Variants in ADGRD1 observed in about 807,000 individuals in gnomAD.
The protein encoded by ADGRD1 is adhesion G protein-coupled receptor D1, also known as G-protein coupled receptor 133.
A neutral mutation model predicts 113.4 loss-of-function variants in ADGRD1; 77 were observed. The observed-to-expected ratio is 0.68, with a 90% CI of 0.57 to 0.82. The LOEUF (loss-of-function observed/expected upper bound fraction) is 0.82. ADGRD1 is among the 40% of genes least tolerant of loss of function. The probability of loss-of-function intolerance (pLI) is 0.00; values close to 1 mark genes in which losing one functional copy is unlikely to be tolerated. For missense variants in ADGRD1, 1,036 were observed against 1,139.1 expected (o/e 0.91, Z 1.30); for synonymous variants, 474 against 475.0 (o/e 1.00, Z 0.03).
chr12:131,116,172 C>G (rs1950458796), intron 18 of ADGRD1, among the ~76,000 whole-genome samples: 1 of 152,192 alleles, frequency 6.6e-6, no homozygotes, highest in Non-Finnish European at 1.5e-5. Context: ...GTTCTCAGAC[C>G]CTTTGTCCTT....
intron 13 of ADGRD1, among the ~76,000 whole-genome samples, chr12:131,037,322 G>C (rs1347419474): frequency 2.9e-5 from 2 of 68,380 alleles, no homozygotes; most frequent in African/African-American, 1.1e-4. Context: ...CTCACTGCAT[G>C]GGGCCTCACT....
At chr12:130,955,619 G>C (rs1275862939) in intron 2 of ADGRD1, among the ~76,000 whole-genome samples, 4 of 152,174 alleles carry the variant, frequency 2.6e-5, no homozygotes, top group African/African-American at 4.8e-5. Flanking sequence ...GAAGTTGCAG[G>C]AGGTGGGGAG....
chr12:130,974,217 A>G (rs1243004045), intron 4 of ADGRD1, among the ~76,000 whole-genome samples: 1 of 152,224 alleles, frequency 6.6e-6, no homozygotes, highest in Admixed American at 6.5e-5. Context: ...AGCCGTGAAC[A>G]GGGAAGACCT....
intron 13 of ADGRD1, among the ~76,000 whole-genome samples, chr12:131,040,508 C>T (rs3847687): frequency 0.36 from 54,220 of 152,144 alleles, 11,114 homozygotes; most frequent in South Asian, 0.53. Context: ...AATACTCACA[C>T]GCTTCTCATA....
chr12:130,958,167 T>G (rs2136464415), intron 2 of ADGRD1: 1 of 132,210 alleles, frequency 7.6e-6, no homozygotes, highest in African/African-American at 2.9e-5. Flanking sequence ...CCTCATTTCC[T>G]TCCCTCCCTC....
chr12:131,094,888 G>A (rs929663655), intron 15 of ADGRD1, among the ~76,000 whole-genome samples: 6 of 152,214 alleles, frequency 3.9e-5, no homozygotes, highest in African/African-American at 1.4e-4. Flanking sequence ...CTGGGCTGGG[G>A]ATGGGAGCTG....
In ADGRD1 at chr12:131,084,294, C is replaced by T. The variant is rs547233887; in HGVS notation, c.1548-246C>T. Among the ~76,000 whole-genome samples the T allele has an allele frequency of 6.6e-6, 1 of 152,244 alleles. No homozygotes were observed. The highest frequency in any genetic ancestry group is 1.9e-4 in the East Asian group (1 of 5,148). On this transcript the variant is annotated intron_variant, in intron 14 of 24. Coordinates refer to ENST00000261654, the MANE Select transcript of ADGRD1 (RefSeq NM_198827.5). The surrounding 1 kb of genome is among the most constrained non-coding windows in gnomAD (Gnocchi z 4.5). The stretch of plus-strand genomic sequence containing the variant: ...CGAAGCAGCTCCCCCTTCCCTGTCC[C>T]AGAGGGAGGGCCTTGCTTCCTGTGG...
intron 21 of ADGRD1, among the ~76,000 whole-genome samples, chr12:131,135,153 G>C (rs1330253385): frequency 2.6e-5 from 4 of 152,208 alleles, no homozygotes; most frequent in African/African-American, 9.6e-5. Context: ...TTTGAGGCAG[G>C]CAGCTGGTGT....
intron 13 of ADGRD1, among the ~76,000 whole-genome samples, chr12:131,044,853 C>T (rs561435451): frequency 3.3e-5 from 5 of 152,376 alleles, no homozygotes; most frequent in Admixed American, 6.5e-5. Flanking sequence ...AAAAATGAAA[C>T]CGAAACCCGA....
intron 18 of ADGRD1, 83 bp from the exon 19 acceptor site, chr12:131,118,302 G>A: frequency 1.1e-6 from 1 of 929,046 alleles, no homozygotes; most frequent in Non-Finnish European, 1.7e-6. Context: ...AAGGAATGAA[G>A]AAAGGAAGGG....
intron 20 of ADGRD1, among the ~76,000 whole-genome samples, chr12:131,123,746 C>T (rs932938476): frequency 6.0e-5 from 9 of 150,412 alleles, no homozygotes; most frequent in Admixed American, 1.3e-4. Context: ...GGCGTGAACC[C>T]GGGAGGCGGG....
intron 13 of ADGRD1, among the ~76,000 whole-genome samples, chr12:131,068,398 T>A (rs1438351464): frequency 6.6e-6 from 1 of 152,150 alleles, no homozygotes; most frequent in Non-Finnish European, 1.5e-5. Context: ...GAAAGAATGT[T>A]CATCTTCCCC....
intron 13 of ADGRD1, among the ~76,000 whole-genome samples, chr12:131,036,275 G>T: frequency 6.6e-6 from 1 of 151,436 alleles, no homozygotes; most frequent in African/African-American, 2.4e-5. Context: ...TCACTGCACT[G>T]GGTCTCACTC....
rs1013520380 is a variant in ADGRD1, at chr12:130,969,235, A to G, written c.188-2223A>G. The G allele has an allele frequency of 6.6e-6, 4 of 603,530 alleles. No individual in the cohort carries two copies. The African/African-American group carries it at 7.4e-5, about 11-fold the overall frequency. 37.4% of individuals were successfully genotyped at this position (603,530 alleles called of 1,614,324 possible). ...AGATCCAAGGTGTTAAAAAATAACC[A>G]CTAGGGTTAAGTCTAAAGGAAGATT... On this transcript the variant is annotated intron_variant, in intron 3 of 24. Coordinates refer to ENST00000261654, the MANE Select transcript of ADGRD1 (RefSeq NM_198827.5).
intron 23 of ADGRD1, chr12:131,137,932 C>G: frequency 1.8e-6 from 1 of 565,810 alleles, no homozygotes; most frequent in African/African-American, 1.9e-5. Flanking sequence ...CCACACCCAG[C>G]TTCCCTGGCC....
chr12:131,110,526 C>T (rs557519980), intron 18 of ADGRD1, among the ~76,000 whole-genome samples: 3 of 152,250 alleles, frequency 2.0e-5, no homozygotes, highest in African/African-American at 7.2e-5. Flanking sequence ...CATGTTACAT[C>T]TGTATAAGGC....
chr12:131,076,960 C>A, intron 14 of ADGRD1, 86 bp downstream of exon 14: 2 of 1,067,200 alleles, frequency 1.9e-6, no homozygotes, highest in South Asian at 1.3e-5. Context: ...GGATCTGGGT[C>A]ACCCATTTCT....
chr12:131,104,930 C>T lies in ADGRD1; in HGVS notation c.1771C>T (p.Leu591=). 6.5e-7 allele frequency: 1 copy of T among 1,547,616 alleles called. No homozygotes were observed. The highest frequency in any genetic ancestry group is 2.4e-5 in the East Asian group (1 of 40,822). The change falls in exon 16 of 25, where the codon CTG becomes TTG. Residue 591 remains leucine, a synonymous_variant. Coordinates refer to ENST00000261654, the MANE Select transcript of ADGRD1 (RefSeq NM_198827.5). Reference sequence around the variant, plus strand: ...GGCCACGCTGGTCACCTTCGCCGTGCTGTCGTGAGTCCCCTTTTCTAATCC... The same window carrying T: ...GGCCACGCTGGTCACCTTCGCCGTGTTGTCGTGAGTCCCCTTTTCTAATCC... ...LVATLVTFAV[L]SSVSTIRNQR... is the part of the protein sequence containing the mutation.
chr12:130,961,299 C>T (rs868209857), intron 2 of ADGRD1, among the ~76,000 whole-genome samples: 6 of 152,320 alleles, frequency 3.9e-5, no homozygotes, highest in Admixed American at 1.3e-4. Context: ...CTCTGACACA[C>T]GCACACACCA....
Sources: gnomAD v4.1 joint callset for allele counts (sites outside exome capture counted in the v4.1 genomes callset) on GRCh38, gnomAD v4.1.1 for gene constraint, Gnocchi (gnomAD v3.1) non-coding constraint, MANE v1.5 for transcripts, NCBI Gene and HGNC (gene_info 2026-07-23, HGNC 2026-07-21) for gene names.